DIAPH1: variants seen among roughly 807,000 people sequenced by gnomAD.
DIAPH1 encodes diaphanous related formin 1, also known as protein diaphanous homolog 1.
DIAPH1 carries 46 observed loss-of-function variants against 140.7 expected under a neutral mutation model. The ratio of observed to expected loss-of-function variants is 0.33; its 90% CI spans 0.26 to 0.42. The LOEUF (loss-of-function observed/expected upper bound fraction) is 0.42, where lower values mean the gene tolerates loss of function less well. Ranked by LOEUF, DIAPH1 falls within the 10% of genes least tolerant of loss-of-function variation. The probability of loss-of-function intolerance (pLI) is 1.00; values close to 1 mark genes in which losing one functional copy is unlikely to be tolerated. For synonymous variants in DIAPH1, 565 were observed against 551.6 expected (o/e 1.02, Z -0.34); for missense variants, 1,310 against 1,558.7 (o/e 0.84, Z 2.69).
intron 18 of DIAPH1, among the ~76,000 whole-genome samples, chr5:141,550,146 TAAA>T (rs566137403): frequency 6.7e-6 from 1 of 148,984 alleles, no homozygotes; most frequent in East Asian, 2.0e-4. Flanking sequence ...CTATACTGAT[TAAA>T]AAAAAAAGTT....
At chr5:141,592,824 G>A (rs1478031273) in intron 1 of DIAPH1, among the ~76,000 whole-genome samples, 1 of 152,228 alleles carries the variant, frequency 6.6e-6, no homozygotes, top group East Asian at 1.9e-4. Context: ...AATACAGAAT[G>A]AATTTTTTTA....
At chr5:141,539,497 C>T (rs1230401466) in intron 18 of DIAPH1, among the ~76,000 whole-genome samples, 1 of 143,650 alleles carries the variant, frequency 7.0e-6, no homozygotes, top group Non-Finnish European at 1.5e-5. Context: ...GTCTTGATCT[C>T]CTGACCTTGT....
chr5:141,527,771 C>G (rs1179417220), intron 23 of DIAPH1, 74 bp from the exon 24 acceptor site: 3 of 1,479,486 alleles, frequency 2.0e-6, no homozygotes, highest in Non-Finnish European at 2.7e-6. Context: ...GCCTCAACAC[C>G]CCTTAGTTTC....
At chr5:141,600,232 C>T (rs1401167829) in intron 1 of DIAPH1, among the ~76,000 whole-genome samples, 1 of 152,190 alleles carries the variant, frequency 6.6e-6, no homozygotes, top group African/African-American at 2.4e-5. Flanking sequence ...GAAATAGGAA[C>T]CTCAGCCCTA....
At chr5:141,567,439 G>C (rs2099894549) in intron 18 of DIAPH1, among the ~76,000 whole-genome samples, 1 of 152,178 alleles carries the variant, frequency 6.6e-6, no homozygotes, top group African/African-American at 2.4e-5. Flanking sequence ...CTTTGTGCTA[G>C]TAGTCTGACC....
chr5:141,556,076 G>A (rs543826552), intron 18 of DIAPH1, among the ~76,000 whole-genome samples: 4 of 152,282 alleles, frequency 2.6e-5, no homozygotes, highest in East Asian at 3.9e-4. Context: ...AGTGGGAGAA[G>A]AATATTAAGC....
At chr5:141,541,554 G>A (rs1412490007) in intron 18 of DIAPH1, among the ~76,000 whole-genome samples, 2 of 151,670 alleles carry the variant, frequency 1.3e-5, no homozygotes, top group African/African-American at 2.4e-5. Context: ...TGGTGGTGGT[G>A]TGTGCCTGTA....
chr5:141,523,192 A>G (rs1378393183), intron 27 of DIAPH1, among the ~76,000 whole-genome samples: 1 of 152,240 alleles, frequency 6.6e-6, no homozygotes, highest in Non-Finnish European at 1.5e-5. Flanking sequence ...GGCCTACACA[A>G]TGCAACAGCC....
At chr5:141,548,893 A>C (rs78587718) in intron 18 of DIAPH1, among the ~76,000 whole-genome samples, 94 of 152,348 alleles carry the variant, frequency 6.2e-4, no homozygotes, top group Admixed American at 1.2e-3. Flanking sequence ...AGACTATCAT[A>C]AGTCAAGTAT....
intron 1 of DIAPH1, among the ~76,000 whole-genome samples, chr5:141,595,126 A>T (rs1335559291): frequency 6.6e-6 from 1 of 152,090 alleles, no homozygotes; most frequent in Non-Finnish European, 1.5e-5. Context: ...AGGCAAAACT[A>T]TGGAAAAAGT....
At position 141,576,197 on chromosome 5, in the gene DIAPH1, C is replaced by T. The variant is rs774947716; in HGVS notation, c.1461+33G>A. ...ATAATAATTCTCAAAGAAAGATATACTCAAACACATGTCTTTGGTCTCTCA... is the reference window on the plus strand; with the variant it reads ...ATAATAATTCTCAAAGAAAGATATATTCAAACACATGTCTTTGGTCTCTCA... On this transcript the variant is annotated intron_variant, in intron 14 of 27. Transcript: ENST00000389054. 19 of 1,508,862 alleles carry T rather than the reference C, an allele frequency of 1.3e-5. No individual in the cohort carries two copies. In the African/African-American group the frequency reaches 2.5e-4, roughly 20 times the overall value. The allele number at this position is 1,508,862 out of a possible 1,614,324, so 93.5% of individuals were successfully genotyped here.
At chr5:141,547,829 CAAGTAT>C (rs1298761648) in intron 18 of DIAPH1, among the ~76,000 whole-genome samples, 1 of 152,026 alleles carries the variant, frequency 6.6e-6, no homozygotes. Context: ...CAGAGAAACT[CAAGTAT>C]AAATACAAAG....
At chr5:141,561,200 G>C (rs1049501503) in intron 18 of DIAPH1, among the ~76,000 whole-genome samples, 4 of 152,064 alleles carry the variant, frequency 2.6e-5, no homozygotes, top group Non-Finnish European at 5.9e-5. Flanking sequence ...CCATCTAATA[G>C]ATCTAAAAGA....
chr5:141,580,632 T>C, intron 8 of DIAPH1, 112 bp downstream of exon 8: 1 of 1,064,700 alleles, frequency 9.4e-7, no homozygotes, highest in East Asian at 2.4e-5. Context: ...AGAAACACAA[T>C]CTTACCTAGT....
chr5:141,518,116 T>A (rs965856826), intron 27 of DIAPH1, among the ~76,000 whole-genome samples: 2 of 152,088 alleles, frequency 1.3e-5, no homozygotes, highest in Non-Finnish European at 2.9e-5. Context: ...GAAAATAGAC[T>A]GGTGGTTGCC....
chr5:141,534,398 ATTTCT>A lies in DIAPH1; in HGVS notation c.2513_2517del (p.Lys838IlefsTer36). The A allele has an allele frequency of 6.2e-7, 1 of 1,613,868 alleles. No individual in the cohort carries two copies. Among genetic ancestry groups the A allele is most frequent in the Non-Finnish European group, 8.5e-7 (1 of 1,180,020 alleles). On this transcript the variant is annotated frameshift_variant, in exon 19 of 28. Coordinates refer to ENST00000389054, the MANE Select transcript of DIAPH1 (RefSeq NM_005219.5). LOFTEE classifies it high-confidence loss of function. ...TCTTTTACTTTTTTCTTTTGCACAGATTTCTTTTCTTCTCCACCTTCTTGATCCTT... is the reference window on the plus strand; with the variant it reads ...TCTTTTACTTTTTTCTTTTGCACAGATTTCTTCTCCACCTTCTTGATCCTT...
At chr5:141,556,879 G>A (rs558193322) in intron 18 of DIAPH1, among the ~76,000 whole-genome samples, 1 of 152,258 alleles carries the variant, frequency 6.6e-6, no homozygotes, top group Middle Eastern at 3.4e-3. Flanking sequence ...ATTTTTAGTA[G>A]AGACGAGGTT....
chr5:141,534,621 T>C (rs1384335595), intron 18 of DIAPH1, 188 bp from the exon 19 acceptor site: 2 of 609,402 alleles, frequency 3.3e-6, no homozygotes, highest in Non-Finnish European at 2.9e-6. Flanking sequence ...CCAACTCTAA[T>C]AAATATCTCA....
At chr5:141,574,754 T>C (rs1454601475) in intron 15 of DIAPH1, among the ~76,000 whole-genome samples, 1 of 152,234 alleles carries the variant, frequency 6.6e-6, no homozygotes, top group African/African-American at 2.4e-5. Flanking sequence ...TTATTCTTAA[T>C]GTTTTTCTGT....
Sources: allele counts gnomAD v4.1 joint callset (sites outside exome capture counted in the v4.1 genomes callset), GRCh38; gene constraint gnomAD v4.1.1; transcripts MANE v1.5; gene names NCBI Gene and HGNC (gene_info 2026-07-23, HGNC 2026-07-21).